The following FAP variants were observed in gnomAD, a reference collection of about 807,000 sequenced individuals.
FAP encodes prolyl endopeptidase FAP.
FAP carries 110 observed loss-of-function variants against 126.5 expected under a neutral mutation model. The ratio of observed to expected loss-of-function variants is 0.87; its 90% CI spans 0.74 to 1.02. The LOEUF (loss-of-function observed/expected upper bound fraction) is 1.02, where lower values mean the gene tolerates loss of function less well. Ranked by LOEUF, FAP falls within the 50% of genes least tolerant of loss-of-function variation. The pLI is 0.00. For missense variants in FAP, 919 were observed against 909.2 expected (o/e 1.01, Z -0.14); for synonymous variants, 334 against 297.3 (o/e 1.12, Z -1.27).
chr2:162,228,784 A>G (rs182144840), intron 2 of FAP, among the ~76,000 whole-genome samples: 29 of 152,318 alleles, frequency 1.9e-4, no homozygotes, highest in African/African-American at 7.0e-4. Flanking sequence ...ATTTACTACA[A>G]TAGCATTAAA....
chr2:162,220,480 G>A (rs1326910700), intron 6 of FAP, among the ~76,000 whole-genome samples: 1 of 152,136 alleles, frequency 6.6e-6, no homozygotes, highest in Non-Finnish European at 1.5e-5. Context: ...CCCCATCTCT[G>A]TGAATGCATA....
intron 2 of FAP, among the ~76,000 whole-genome samples, chr2:162,233,934 AT>A (rs1690000899): frequency 6.6e-6 from 1 of 152,174 alleles, no homozygotes; most frequent in Non-Finnish European, 1.5e-5. Flanking sequence ...GCACATAGAT[AT>A]CCAATTGTTT....
At chr2:162,200,512 T>C in intron 15 of FAP, 54 bp downstream of exon 15, 1 of 1,005,844 alleles carries the variant, frequency 9.9e-7, no homozygotes, top group Non-Finnish European at 1.5e-6. Context: ...ATGATGACTT[T>C]TTATATTAAA....
At chr2:162,198,011 A>G (rs1040409285) in intron 16 of FAP, among the ~76,000 whole-genome samples, 1 of 152,068 alleles carries the variant, frequency 6.6e-6, no homozygotes, top group Admixed American at 6.6e-5. Flanking sequence ...TCTTAACCTA[A>G]CCTGTTTTAT....
chr2:162,240,333 T>C (rs1690296115), intron 2 of FAP, among the ~76,000 whole-genome samples: 3 of 152,288 alleles, frequency 2.0e-5, no homozygotes, highest in African/African-American at 7.2e-5. Context: ...TTTGTTCTTA[T>C]AATCCAGTTT....
chr2:162,178,806 T>C (rs1477762008), intron 21 of FAP, among the ~76,000 whole-genome samples: 1 of 152,218 alleles, frequency 6.6e-6, no homozygotes, highest in African/African-American at 2.4e-5. Context: ...TAATACTTCA[T>C]GGAAACACAT....
At chr2:162,211,693 A>G (rs1007878806) in intron 11 of FAP, among the ~76,000 whole-genome samples, 2 of 152,246 alleles carry the variant, frequency 1.3e-5, no homozygotes, top group Non-Finnish European at 2.9e-5. Context: ...TTTAGCCATA[A>G]AAGTAAAATT....
chr2:162,200,545 G>A (rs747310297), intron 15 of FAP, 21 bp downstream of exon 15: 15 of 1,383,594 alleles, frequency 1.1e-5, no homozygotes, highest in Non-Finnish European at 1.4e-5. Context: ...AGAAATACCA[G>A]AATGAATGGA....
chr2:162,225,518 C>T lies in FAP; in HGVS notation c.250G>A (p.Gly84Arg). ...NNIVLYNIET[G>R]QSYTILSNRT... is the part of the protein sequence containing the mutation. ...TTACTCAAAATGGTATATGATTGTCCTGTTTCAATATTATAAAGTACTATA... is the reference window on the plus strand; with the variant it reads ...TTACTCAAAATGGTATATGATTGTCTTGTTTCAATATTATAAAGTACTATA... The change falls in exon 4 of 26, where the codon GGA (glycine) becomes AGA (arginine). Residue 84 changes from glycine to arginine, a missense_variant. By Grantham distance (125) the Gly-to-Arg change is moderately radical (BLOSUM62 -2). Transcript: ENST00000188790. 6.2e-7 allele frequency: 1 copy of T among 1,600,452 alleles called. No individual in the cohort carries two copies. Among genetic ancestry groups the T allele is most frequent in the Non-Finnish European group, 8.5e-7 (1 of 1,172,322 alleles).
chr2:162,170,731 G>T lies in FAP; in HGVS notation c.*248C>A. The stretch of plus-strand genomic sequence containing the variant: ...ATTATTTTTCTTCAAATGAACAGGT[G>T]ATAAAACACTGTGTCCAAAGCAAAA... On this transcript the variant is annotated 3_prime_UTR_variant, in exon 26 of 26. Transcript: ENST00000188790. 1 of 420,522 alleles carries T rather than the reference G, an allele frequency of 2.4e-6. No individual in the cohort carries two copies. 26.0% of individuals were successfully genotyped at this position (420,522 alleles called of 1,614,324 possible).
chr2:162,188,385 C>T, intron 19 of FAP, 22 bp from the exon 20 acceptor site: 5 of 1,600,040 alleles, frequency 3.1e-6, no homozygotes, highest in Non-Finnish European at 4.3e-6. Context: ...ACAAAAAAAA[C>T]AAGAATCTTT....
chr2:162,242,039 A>G (rs1458617085), intron 2 of FAP, among the ~76,000 whole-genome samples: 1 of 152,172 alleles, frequency 6.6e-6, no homozygotes, highest in Non-Finnish European at 1.5e-5. Flanking sequence ...TTTAACCAAG[A>G]TATTTCCCAC....
intron 15 of FAP, among the ~76,000 whole-genome samples, chr2:162,200,084 C>A (rs1329713870): frequency 6.6e-6 from 1 of 152,140 alleles, no homozygotes; most frequent in African/African-American, 2.4e-5. Context: ...TTTCCACACC[C>A]AGAAAGGGCT....
rs768497743 is a variant in FAP at position 162,215,881 on chromosome 2, G to A, written c.866+17C>T. On this transcript the variant is annotated intron_variant, in intron 10 of 25. Coordinates refer to ENST00000188790, the MANE Select transcript of FAP (RefSeq NM_004460.5). ...GAATATAGGATAGAAAGATGGGAGGGATCTGAGATGAACTACCTTGAGGCT... is the reference window on the plus strand; with the variant it reads ...GAATATAGGATAGAAAGATGGGAGGAATCTGAGATGAACTACCTTGAGGCT... 5 of 1,557,958 alleles carry A rather than the reference G, an allele frequency of 3.2e-6. No individual in the cohort carries two copies. The Admixed American group carries it at 8.4e-5, about 26-fold the overall frequency.
At chr2:162,209,767 A>G (rs1282739887) in intron 12 of FAP, 185 bp downstream of exon 12, 3 of 563,220 alleles carry the variant, frequency 5.3e-6, no homozygotes, top group Non-Finnish European at 6.3e-6. Flanking sequence ...ATAGAATTCT[A>G]AAAAGGACAT....
intron 2 of FAP, among the ~76,000 whole-genome samples, chr2:162,235,147 C>T (rs1407117227): frequency 1.3e-5 from 2 of 151,766 alleles, no homozygotes; most frequent in African/African-American, 4.8e-5. Context: ...CCCCCAGTCC[C>T]CCGTCACCCC....
At chr2:162,230,825 G>A (rs1250108947) in intron 2 of FAP, among the ~76,000 whole-genome samples, 1 of 152,060 alleles carries the variant, frequency 6.6e-6, no homozygotes, top group Admixed American at 6.6e-5. Context: ...TTCTGCAAAG[G>A]TTCAGAATCT....
intron 12 of FAP, among the ~76,000 whole-genome samples, chr2:162,206,415 C>T (rs1299090592): frequency 6.6e-6 from 1 of 152,182 alleles, no homozygotes; most frequent in East Asian, 1.9e-4. Flanking sequence ...TTATTTACCG[C>T]CATGTAATAT....
chr2:162,224,531 T>C lies in FAP; in HGVS notation c.295A>G (p.Asn99Asp). The change falls in exon 5 of 26, where the codon AAT becomes GAT. Residue 99 changes from asparagine (N) to aspartate (D), a missense_variant. Physicochemically the swap from Asn to Asp is conservative, Grantham distance 23. Coordinates refer to ENST00000188790, the MANE Select transcript of FAP (RefSeq NM_004460.5). ...ILSNRTMKSVNASNYGLSPDR... is the reference protein window; with the variant it reads ...ILSNRTMKSVDASNYGLSPDR... Reference sequence around the variant, plus strand: ...GGTGATAAGCCGTAATTTGAAGCATTCACACTTTTCTGAAATTATGAAGAG... The same window carrying C: ...GGTGATAAGCCGTAATTTGAAGCATCCACACTTTTCTGAAATTATGAAGAG... 1 of 1,589,442 alleles carries C rather than the reference T, an allele frequency of 6.3e-7. No homozygotes were observed. The highest frequency in any genetic ancestry group is 8.6e-7 in the Non-Finnish European group (1 of 1,168,962).
Sources: allele counts gnomAD v4.1 joint callset (sites outside exome capture counted in the v4.1 genomes callset), GRCh38; gene constraint gnomAD v4.1.1; transcripts MANE v1.5; gene names NCBI Gene and HGNC (gene_info 2026-07-23, HGNC 2026-07-21).